Variants in IRAG2 observed in about 807,000 individuals in gnomAD.
The protein encoded by IRAG2 is inositol 1,4,5-triphosphate receptor associated 2, also known as lymphoid restricted membrane protein.
Under a neutral mutation model 69.9 loss-of-function variants are expected in IRAG2, and 45 were observed. That is an observed-to-expected ratio of 0.64 (90% confidence interval 0.51 to 0.83). IRAG2 has a LOEUF of 0.83. Ranked by LOEUF, IRAG2 falls within the 40% of genes least tolerant of loss-of-function variation. The probability of loss-of-function intolerance (pLI) is 0.00; values close to 1 mark genes in which losing one functional copy is unlikely to be tolerated. For missense variants in IRAG2, 520 were observed against 587.0 expected, an observed-to-expected ratio of 0.89 and a Z score of 1.18; for synonymous variants, 193 against 202.4, an observed-to-expected ratio of 0.95 and a Z score of 0.40.
chr12:25,073,392 C>T (rs1946457113), intron 6 of IRAG2, among the ~76,000 whole-genome samples: 1 of 152,360 alleles, frequency 6.6e-6, no homozygotes, highest in Non-Finnish European at 1.5e-5. Flanking sequence ...GTTGTACTCA[C>T]TACAACGTCT....
At chr12:24,999,157 C>T in the IRAG2 span, among the ~76,000 whole-genome samples, 7 of 152,248 alleles carry the variant, frequency 4.6e-5, no homozygotes, top group South Asian at 2.1e-4. Context: ...ATTGTACATA[C>T]GTAGTAGATT....
At chr12:25,035,854 T>TGCAACC (rs1944698463) in intron 14 of IRAG2, 1 of 398,268 alleles carries the variant, frequency 2.5e-6, no homozygotes, top group Admixed American at 4.4e-5. Context: ...ATAACTGACC[T>TGCAACC]GCAACCTGTT....
intron 1 of IRAG2, chr12:25,005,168 C>CA (rs59249841): frequency 0.029 from 19,174 of 650,824 alleles, 4 homozygotes; most frequent in Non-Finnish European, 0.033. Flanking sequence ...TTTGTTAAAC[C>CA]AAAAAAAAAA....
intron 20 of IRAG2, among the ~76,000 whole-genome samples, chr12:25,106,391 GTA>G (rs1194122166): frequency 1.5e-5 from 2 of 133,390 alleles, no homozygotes; most frequent in African/African-American, 5.5e-5. Context: ...GAATATGTGT[GTA>G]TATATTATAA....
At chr12:25,068,787 T>C (rs1166755529) in intron 5 of IRAG2, among the ~76,000 whole-genome samples, 2 of 152,172 alleles carry the variant, frequency 1.3e-5, no homozygotes, top group Admixed American at 6.5e-5. Context: ...AGAGTAAAGA[T>C]TCCCCTAGCA....
intron 6 of IRAG2, among the ~76,000 whole-genome samples, chr12:25,019,075 A>G (rs962065607): frequency 3.4e-4 from 52 of 152,058 alleles, no homozygotes; most frequent in African/African-American, 1.2e-3. Flanking sequence ...CAGGAGGGGG[A>G]GCATGCAGGT....
intron 5 of IRAG2, among the ~76,000 whole-genome samples, chr12:25,016,859 GA>G (rs1405729152): frequency 6.6e-6 from 1 of 152,118 alleles, no homozygotes; most frequent in Non-Finnish European, 1.5e-5. Context: ...GAGTGAAGGG[GA>G]AAAGAATCAA....
At chr12:25,001,941 T>G (rs1379367723), upstream of IRAG2, among the ~76,000 whole-genome samples, 1 of 152,044 alleles carries the variant, frequency 6.6e-6, no homozygotes, top group Non-Finnish European at 1.5e-5. Context: ...CTGCTAATTT[T>G]TGTATTTTTA....
chr12:25,045,589 A>G (rs1279281241), intron 16 of IRAG2, among the ~76,000 whole-genome samples: 2 of 152,084 alleles, frequency 1.3e-5, no homozygotes, highest in Non-Finnish European at 2.9e-5. Context: ...ACTAGTATAA[A>G]CAATTTTATG....
At chr12:25,041,662 G>GTTTTTTTTTT (rs201257184) in intron 16 of IRAG2, among the ~76,000 whole-genome samples, 1 of 102,734 alleles carries the variant, frequency 9.7e-6, no homozygotes, top group Admixed American at 9.4e-5. Context: ...GCTAAGTTTT[G>GTTTTTTTTTT]TTTTTTTTTG....
chr12:25,082,348 C>A (rs1354514339), intron 9 of IRAG2, among the ~76,000 whole-genome samples: 2 of 151,928 alleles, frequency 1.3e-5, no homozygotes, highest in Non-Finnish European at 2.9e-5. Context: ...CCTATAATTC[C>A]AGCACTTTGG....
intron 2 of IRAG2, among the ~76,000 whole-genome samples, chr12:25,010,066 C>A (rs780009742): frequency 3.9e-5 from 6 of 152,322 alleles, no homozygotes; most frequent in Non-Finnish European, 2.9e-5. Context: ...TTAACCATTA[C>A]AGGAGGCCTT....
chr12:25,054,066 T>C (rs972143187), intron 1 of IRAG2, among the ~76,000 whole-genome samples: 2 of 152,160 alleles, frequency 1.3e-5, no homozygotes, highest in African/African-American at 4.8e-5. Flanking sequence ...ACCCTGTCTC[T>C]ACAAAAATTA....
chr12:25,032,263 A>G, intron 11 of IRAG2: 2 of 399,034 alleles, frequency 5.0e-6, no homozygotes, highest in South Asian at 1.3e-4. Flanking sequence ...TAAATTCCCC[A>G]CTAGAGTAAC....
intron 6 of IRAG2, among the ~76,000 whole-genome samples, chr12:25,077,198 AAT>A (rs572951936): frequency 0.047 from 2,989 of 63,390 alleles, 264 homozygotes; most frequent in South Asian, 0.094. Context: ...ATATATATGA[AAT>A]ATATATATGA....
chr12:25,052,506 G>A, upstream of IRAG2: 1 of 396,940 alleles, frequency 2.5e-6, no homozygotes, highest in Non-Finnish European at 4.4e-6. Context: ...AGTGAGCAGA[G>A]GAAGTAAAGG....
chr12:25,080,660 T>C lies in IRAG2; in HGVS notation c.244+897T>C, dbSNP rs976636624. ...AGCCACCGCGCCTGGCCAAGGAAAA[T>C]ACATTCTATCGTTTTAACTCGACGT... is the stretch of plus-strand genomic sequence containing the variant. On this transcript the variant is annotated intron_variant, in intron 9 of 21. Coordinates refer to ENST00000556887, the MANE Select transcript of IRAG2 (RefSeq NM_001366544.2). 2.6e-5 allele frequency among the ~76,000 whole-genome samples: 4 copies of C among 152,206 alleles called. No homozygotes were observed. In the East Asian group the frequency reaches 7.7e-4, roughly 29 times the overall value.
intron 1 of IRAG2, among the ~76,000 whole-genome samples, chr12:25,060,892 T>C (rs1417480743): frequency 6.6e-6 from 1 of 151,902 alleles, no homozygotes; most frequent in Non-Finnish European, 1.5e-5. Context: ...AGTCCCAAAG[T>C]ACTGGCCTAA....
At chr12:25,039,517 G>A (rs533068056) in intron 16 of IRAG2, among the ~76,000 whole-genome samples, 1 of 152,300 alleles carries the variant, frequency 6.6e-6, no homozygotes, top group African/African-American at 2.4e-5. Flanking sequence ...TGCAAGCTCT[G>A]CCTCCCGGGT....
Sources: allele counts gnomAD v4.1 joint callset (sites outside exome capture counted in the v4.1 genomes callset), GRCh38; gene constraint gnomAD v4.1.1; transcripts MANE v1.5; gene names NCBI Gene and HGNC (gene_info 2026-07-23, HGNC 2026-07-21).